Variants in JMY observed in about 807,000 individuals in gnomAD.
JMY encodes junction mediating and regulatory protein, p53 cofactor, also known as junction-mediating and -regulatory protein.
A neutral mutation model predicts 103.3 loss-of-function variants in JMY; 46 were observed. The ratio of observed to expected loss-of-function variants is 0.45; its 90% confidence interval spans 0.35 to 0.57. The LOEUF (loss-of-function observed/expected upper bound fraction) is 0.57, where lower values mean the gene tolerates loss of function less well. JMY is among the 20% of genes least tolerant of loss of function. The probability of loss-of-function intolerance (pLI) is 0.00; values close to 1 mark genes in which losing one functional copy is unlikely to be tolerated. For synonymous variants in JMY, 526 were observed against 489.3 expected (o/e 1.07, Z -0.99); for missense variants, 1,238 against 1,255.2 (o/e 0.99, Z 0.21).
In JMY at chr5:79,236,846, G is replaced by GT; in HGVS notation, c.196_197insT (p.Gly66ValfsTer35). 2 of 1,450,598 alleles carry GT rather than the reference G, an allele frequency of 1.4e-6. No individual in the cohort carries two copies. Among genetic ancestry groups the GT allele is most frequent in the Non-Finnish European group, 9.1e-7 (1 of 1,095,762 alleles). The allele number at this position is 1,450,598 out of a possible 1,614,324, so 89.9% of individuals were successfully genotyped here. A position where few individuals can be genotyped will look rare whatever the true frequency, so the allele number is the denominator to read the frequency against. On this transcript the variant is annotated frameshift_variant, in exon 1 of 11. Coordinates refer to ENST00000396137, the MANE Select transcript of JMY (RefSeq NM_152405.5). LOFTEE classifies it high-confidence loss of function. ...CTCCCGGGAGCAAGCGGGGGCGCGAGGGGGCGCCGAGGCCGGCGGAGCTGC... is the reference window on the plus strand; with the variant it reads ...CTCCCGGGAGCAAGCGGGGGCGCGAGTGGGGCGCCGAGGCCGGCGGAGCTGC...
At chr5:79,316,898 TAAAAAAAAAAAA>T (rs34558016) in intron 10 of JMY, among the ~76,000 whole-genome samples, 2,948 of 83,752 alleles carry the variant, frequency 0.035, 143 homozygotes, top group African/African-American at 0.12. Context: ...GACTCAGTCT[TAAAAAAAAAAAA>T]AAAAAAAAAA....
rs558462121 is a variant in JMY at position 79,320,806 on chromosome 5, G to A, written c.*4-800G>A. 3.7e-4 allele frequency among the ~76,000 whole-genome samples: 56 copies of A among 152,144 alleles called. 1 individual carries two copies. Among genetic ancestry groups the A allele is most frequent in the Non-Finnish European group, 7.5e-4 (51 of 68,008 alleles). ...CACATAATCAACATTAAAAACTAAG[G>A]ACATTGCTTTCTATTTCTTTTTTTC... On this transcript the variant is annotated intron_variant, in intron 10 of 10. Coordinates refer to ENST00000396137, the MANE Select transcript of JMY (RefSeq NM_152405.5).
intron 2 of JMY, among the ~76,000 whole-genome samples, chr5:79,278,585 C>CAAAAAAAAAAAAAAAAAAAAAAAAA (rs34278536): frequency 1.7e-5 from 1 of 57,282 alleles, no homozygotes; most frequent in Non-Finnish European, 3.0e-5. Context: ...CCCGTCTCTA[C>CAAAAAAAAAAAAAAAAAAAAAAAAA]AAAAAAAAAA....
intron 10 of JMY, among the ~76,000 whole-genome samples, chr5:79,320,551 T>G (rs1043897878): frequency 6.6e-6 from 1 of 152,088 alleles, no homozygotes; most frequent in African/African-American, 2.4e-5. Flanking sequence ...CCTCAACTGA[T>G]CCACCCTCCT....
chr5:79,323,362 A>C lies in JMY; in HGVS notation c.*1760A>C, dbSNP rs1364623103. 1 of 152,238 alleles carries C rather than the reference A, an allele frequency of 6.6e-6. No individual in the cohort carries two copies. The highest frequency in any genetic ancestry group is 1.5e-5 in the Non-Finnish European group (1 of 68,040). 9.4% of individuals were successfully genotyped at this position (152,238 alleles called of 1,614,324 possible). Reference sequence around the variant, plus strand: ...TGGTTTTAGTTCCCACACTATTCCCACATCTTATCTGGGAAGATTAGAAAT... The same window carrying C: ...TGGTTTTAGTTCCCACACTATTCCCCCATCTTATCTGGGAAGATTAGAAAT... On this transcript the variant is annotated 3_prime_UTR_variant, in exon 11 of 11. Transcript: ENST00000396137.
intron 6 of JMY, among the ~76,000 whole-genome samples, chr5:79,306,022 C>T (rs1746870738): frequency 6.6e-6 from 1 of 152,108 alleles, no homozygotes; most frequent in African/African-American, 2.4e-5. Context: ...AGTGAGACCC[C>T]CATCTCTCAG....
chr5:79,314,751 G>C lies in JMY; in HGVS notation c.2559G>C (p.Lys853Asn). ...RKEGNEKRIP[K>N]SASAPSAHLF... ...AGGGGAATGAGAAGAGGATCCCAAA[G>C]TCAGCCAGTGCCCCCTCAGCACACC... The change falls in exon 9 of 11, where the codon AAG becomes AAC. Residue 853 changes from lysine to asparagine, a missense_variant. Transcript: ENST00000396137. 6.2e-7 allele frequency: 1 copy of C among 1,610,030 alleles called. No homozygotes were observed. The highest frequency in any genetic ancestry group is 8.5e-7 in the Non-Finnish European group (1 of 1,178,614).
At chr5:79,318,240 C>T (rs1747305894) in intron 10 of JMY, among the ~76,000 whole-genome samples, 1 of 151,028 alleles carries the variant, frequency 6.6e-6, no homozygotes, top group African/African-American at 2.4e-5. Context: ...GTCTCGAACT[C>T]CTGACCTCAA....
intron 1 of JMY, among the ~76,000 whole-genome samples, chr5:79,247,715 C>T (rs544157105): frequency 1.1e-4 from 17 of 151,726 alleles, no homozygotes; most frequent in African/African-American, 3.9e-4. Context: ...TATAGTGGCA[C>T]AATCTCTGCT....
chr5:79,292,823 TG>T (rs1580359708), intron 4 of JMY, among the ~76,000 whole-genome samples: 1 of 152,126 alleles, frequency 6.6e-6, no homozygotes, highest in East Asian at 1.9e-4. Flanking sequence ...TCCTATTCCC[TG>T]GGGCTGTCCC....
intron 1 of JMY, among the ~76,000 whole-genome samples, chr5:79,254,188 C>T (rs1248172570): frequency 1.3e-5 from 2 of 151,332 alleles, no homozygotes; most frequent in African/African-American, 2.4e-5. Context: ...CTCCTGACCT[C>T]GTTCGTGATC....
chr5:79,275,763 A>C (rs1313669621), intron 1 of JMY, among the ~76,000 whole-genome samples: 3 of 152,240 alleles, frequency 2.0e-5, no homozygotes, highest in Non-Finnish European at 4.4e-5. Flanking sequence ...GCCTTAAAAA[A>C]ACAGAATGAT....
At chr5:79,264,410 G>A (rs75278258) in intron 1 of JMY, among the ~76,000 whole-genome samples, 1 of 138,456 alleles carries the variant, frequency 7.2e-6, no homozygotes, top group Non-Finnish European at 1.6e-5. Flanking sequence ...TTTTTTTTTT[G>A]TAGAGACATG....
At chr5:79,315,168 C>T (rs1246971086) in intron 9 of JMY, among the ~76,000 whole-genome samples, 2 of 152,144 alleles carry the variant, frequency 1.3e-5, no homozygotes, top group East Asian at 1.9e-4. Context: ...TAAAAAAATA[C>T]TCATATCAGA....
chr5:79,303,407 G>T (rs1329733246), intron 6 of JMY, among the ~76,000 whole-genome samples: 2 of 151,960 alleles, frequency 1.3e-5, no homozygotes, highest in African/African-American at 4.8e-5. Context: ...GTGGGAGGCT[G>T]ATAGGAAAGA....
intron 1 of JMY, among the ~76,000 whole-genome samples, chr5:79,248,709 G>T (rs934906155): frequency 1.3e-5 from 2 of 152,096 alleles, no homozygotes; most frequent in Admixed American, 1.3e-4. Context: ...CAGAAGGGAG[G>T]ACAGTTAAGG....
intron 8 of JMY, among the ~76,000 whole-genome samples, 187 bp downstream of exon 8, chr5:79,312,685 C>T (rs988595979): frequency 2.0e-5 from 3 of 151,794 alleles, no homozygotes; most frequent in African/African-American, 4.8e-5. Flanking sequence ...GGTGGTTTTC[C>T]GAATTTAGTA....
intron 1 of JMY, among the ~76,000 whole-genome samples, chr5:79,267,183 C>G (rs184969814): frequency 6.6e-6 from 1 of 152,084 alleles, no homozygotes; most frequent in Non-Finnish European, 1.5e-5. Context: ...ATTGAGTAAT[C>G]CATAGTTTAT....
In JMY at chr5:79,237,676, C is replaced by G; in HGVS notation, c.1026C>G (p.Ile342Met). The change falls in exon 1 of 11, where the codon ATC (isoleucine) becomes ATG (methionine). Residue 342 changes from isoleucine (I) to methionine (M), a missense_variant. Transcript: ENST00000396137. Reference protein sequence around the residue: ...EEVLQRARKRIQELLDKHKNT... With the variant: ...EEVLQRARKRMQELLDKHKNT... Reference sequence around the variant, plus strand: ...TGCTTCAGCGGGCCAGGAAGCGCATCCAGGAGGTGAGTGAGTGAGCTCCTA... The same window carrying G: ...TGCTTCAGCGGGCCAGGAAGCGCATGCAGGAGGTGAGTGAGTGAGCTCCTA... The G allele has an allele frequency of 6.2e-7, 1 of 1,611,168 alleles. No individual in the cohort carries two copies. The highest frequency in any genetic ancestry group is 8.5e-7 in the Non-Finnish European group (1 of 1,178,336).
Sources: allele counts gnomAD v4.1 joint callset (sites outside exome capture counted in the v4.1 genomes callset), GRCh38; gene constraint gnomAD v4.1.1; transcripts MANE v1.5; gene names NCBI Gene and HGNC (gene_info 2026-07-23, HGNC 2026-07-21).